CASK: variants seen among roughly 807,000 people sequenced by gnomAD.
CASK encodes the protein calcium/calmodulin dependent serine protein kinase.
Under a neutral mutation model 82.9 loss-of-function variants are expected in CASK, and 4 were observed. The observed-to-expected ratio is 0.05, with a 90% CI of 0.02 to 0.11. The LOEUF (loss-of-function observed/expected upper bound fraction) is 0.11. Ranked by LOEUF, CASK falls within the 10% of genes least tolerant of loss-of-function variation. The pLI is 1.00. For synonymous variants in CASK, 259 were observed against 253.5 expected (o/e 1.02, Z -0.20); for missense variants, 358 against 720.9 (o/e 0.50, Z 5.76).
intron 2 of CASK, among the ~76,000 whole-genome samples, chrX:41,796,088 C>T (rs1350211595): frequency 8.9e-6 from 1 of 111,778 alleles, no homozygotes; most frequent in African/African-American, 3.3e-5. Flanking sequence ...GGTCACCCTA[C>T]TTCCACAGAT....
chrX:41,594,188 G>T (rs2065784553), intron 12 of CASK, among the ~76,000 whole-genome samples: 1 of 112,453 alleles, frequency 8.9e-6, no homozygotes, highest in African/African-American at 3.2e-5. Context: ...TGGGCTTGCT[G>T]AAAGGCAGTC....
At chrX:41,848,207 G>C (rs1396210372) in intron 2 of CASK, among the ~76,000 whole-genome samples, 2 of 111,842 alleles carry the variant, frequency 1.8e-5, no homozygotes, top group African/African-American at 6.5e-5. Context: ...GGTGATCTCT[G>C]AGTCAGGCCA....
intron 1 of CASK, among the ~76,000 whole-genome samples, chrX:41,880,238 G>C (rs2071922976): frequency 8.9e-6 from 1 of 111,810 alleles, no homozygotes; most frequent in African/African-American, 3.2e-5. Context: ...GTAGCACAAA[G>C]AGGGCTTCTG....
At chrX:41,612,740 C>T (rs868041409) in intron 11 of CASK, among the ~76,000 whole-genome samples, 9 of 86,791 alleles carry the variant, frequency 1.0e-4, no homozygotes, top group Admixed American at 3.5e-4. Context: ...CCACCCCGTC[C>T]GGGAGGGAGG....
chrX:41,789,085 A>G (rs2069668312), intron 2 of CASK, among the ~76,000 whole-genome samples: 1 of 111,705 alleles, frequency 9.0e-6, no homozygotes, highest in African/African-American at 3.3e-5. Context: ...GAACACGATC[A>G]TATTAGAAGA....
intron 3 of CASK, among the ~76,000 whole-genome samples, chrX:41,751,476 C>T (rs2068787191): frequency 9.2e-6 from 1 of 108,217 alleles, no homozygotes; most frequent in Admixed American, 1.0e-4. Context: ...GAAAGGATTA[C>T]AACTCAAAGA....
intron 25 of CASK, 92 bp from the exon 26 acceptor site, chrX:41,524,126 GA>G: frequency 2.9e-6 from 2 of 694,637 alleles, no homozygotes; most frequent in Non-Finnish European, 4.3e-6. Flanking sequence ...TTATACAACT[GA>G]AAATTCCAAG....
chrX:41,589,655 A>G, intron 12 of CASK, 63 bp from the exon 13 acceptor site: 1 of 767,787 alleles, frequency 1.3e-6, no homozygotes, highest in Non-Finnish European at 2.0e-6. Flanking sequence ...TCAGAGCTTC[A>G]TATTTATTAT....
chrX:41,566,137 G>A (rs1028028234), intron 16 of CASK, among the ~76,000 whole-genome samples: 11 of 111,592 alleles, frequency 9.9e-5, no homozygotes, highest in Non-Finnish European at 1.5e-4. Flanking sequence ...CATACTGAAT[G>A]GGCAAAAACT....
intron 8 of CASK, among the ~76,000 whole-genome samples, chrX:41,646,239 T>A (rs2066756517): frequency 9.0e-6 from 1 of 111,139 alleles, no homozygotes; most frequent in Admixed American, 9.6e-5. Context: ...AGGAAAACCA[T>A]GCCCTAAAAA....
intron 1 of CASK, among the ~76,000 whole-genome samples, chrX:41,879,326 T>C (rs1174806432): frequency 9.0e-6 from 1 of 111,637 alleles, no homozygotes; most frequent in Non-Finnish European, 1.9e-5. Flanking sequence ...CCAAATCCCA[T>C]ATATACTATG....
chrX:41,833,115 A>G (rs771140162), intron 2 of CASK, among the ~76,000 whole-genome samples: 2 of 112,197 alleles, frequency 1.8e-5, no homozygotes, highest in East Asian at 5.6e-4. Flanking sequence ...GCGTGACGCC[A>G]AGAGTATGAG....
chrX:41,593,616 A>T (rs754174689), intron 12 of CASK, among the ~76,000 whole-genome samples: 14 of 112,025 alleles, frequency 1.2e-4, no homozygotes, highest in African/African-American at 3.6e-4. Flanking sequence ...CAATGATCTC[A>T]GTGGGCAACC....
intron 3 of CASK, among the ~76,000 whole-genome samples, chrX:41,777,730 A>T (rs1431722634): frequency 9.0e-6 from 1 of 111,122 alleles, no homozygotes; most frequent in Non-Finnish European, 1.9e-5. Context: ...CTTCTACAAT[A>T]ATTCTTTAAG....
chrX:41,900,381 G>T (rs906272752), intron 1 of CASK, among the ~76,000 whole-genome samples: 39 of 110,732 alleles, frequency 3.5e-4, no homozygotes, highest in African/African-American at 1.3e-3. Context: ...AATCTCATAT[G>T]CATTTATTGC....
intron 3 of CASK, among the ~76,000 whole-genome samples, chrX:41,779,638 C>A (rs1056106418): frequency 8.1e-5 from 9 of 111,189 alleles, no homozygotes; most frequent in Non-Finnish European, 3.8e-5. Flanking sequence ...AAGAAAAAAT[C>A]AAAATAGATT....
intron 1 of CASK, among the ~76,000 whole-genome samples, chrX:41,876,301 C>T (rs1253926255): frequency 1.3e-4 from 14 of 111,219 alleles, no homozygotes; most frequent in Non-Finnish European, 2.3e-4. Context: ...ATAAGGAAAT[C>T]GAGTTTCAGA....
At chrX:41,735,713 G>T (rs752240043) in intron 5 of CASK, among the ~76,000 whole-genome samples, 2 of 110,600 alleles carry the variant, frequency 1.8e-5, no homozygotes, top group African/African-American at 6.6e-5. Flanking sequence ...GGCTACTTGT[G>T]TTCCTGTCTT....
At chrX:41,869,826 A>AAAAAAAAAAAAAAAAAAAAAAAAAAAAC (rs1450138698) in intron 1 of CASK, among the ~76,000 whole-genome samples, 1 of 102,196 alleles carries the variant, frequency 9.8e-6, no homozygotes, top group Non-Finnish European at 2.0e-5. Context: ...AAAAAAAAAA[A>AAAAAAAAAAAAAAAAAAAAAAAAAAAAC]AAAAAAAAAA....
Sources: allele counts gnomAD v4.1 joint callset (sites outside exome capture counted in the v4.1 genomes callset), GRCh38; gene constraint gnomAD v4.1.1; transcripts MANE v1.5; gene names NCBI Gene and HGNC (gene_info 2026-07-23, HGNC 2026-07-21).